Variants in WWOX observed in about 807,000 individuals in gnomAD.
WWOX encodes the protein WW domain-containing oxidoreductase.
WWOX carries 69 observed loss-of-function variants against 46.2 expected under a neutral mutation model. That is an observed-to-expected ratio of 1.49 (90% CI 1.23 to 1.82). The LOEUF is 1.82. Ranked by LOEUF, WWOX falls within the 40% of genes most tolerant of loss-of-function variation. WWOX has a pLI of 0.00. For synonymous variants in WWOX, 359 were observed against 202.6 expected (o/e 1.77, Z -6.56); for missense variants, 919 against 542.6 (o/e 1.69, Z -6.89).
intron 8 of WWOX, among the ~76,000 whole-genome samples, chr16:78,651,756 T>C (rs1359370005): frequency 6.6e-6 from 1 of 152,182 alleles, no homozygotes; most frequent in African/African-American, 2.4e-5. Context: ...AGAACCTCTT[T>C]CGTATCAACT....
At chr16:78,841,191 C>T (rs747994682) in intron 8 of WWOX, among the ~76,000 whole-genome samples, 1 of 152,134 alleles carries the variant, frequency 6.6e-6, no homozygotes, top group African/African-American at 2.4e-5. Context: ...ATGCAGGGGC[C>T]TTCTAAATCA....
intron 8 of WWOX, among the ~76,000 whole-genome samples, chr16:78,672,868 A>G (rs909839390): frequency 3.9e-5 from 6 of 152,198 alleles, no homozygotes; most frequent in African/African-American, 1.4e-4. Context: ...CGCCTTGGTG[A>G]TGGATAGAAA....
At chr16:78,710,394 T>A (rs2048413152) in intron 8 of WWOX, among the ~76,000 whole-genome samples, 1 of 147,404 alleles carries the variant, frequency 6.8e-6, no homozygotes, top group Non-Finnish European at 1.5e-5. Context: ...GCCTTCCGCA[T>A]CTGCTATGCA....
chr16:78,829,032 T>G (rs2051738657), intron 8 of WWOX, among the ~76,000 whole-genome samples: 1 of 151,984 alleles, frequency 6.6e-6, no homozygotes, highest in Non-Finnish European at 1.5e-5. Context: ...TTCCACCCCA[T>G]CATAAATTCT....
intron 8 of WWOX, among the ~76,000 whole-genome samples, chr16:78,565,776 C>T (rs187636427): frequency 4.1e-4 from 63 of 152,234 alleles, no homozygotes; most frequent in African/African-American, 1.3e-3. Context: ...AGGCTATCCG[C>T]GGAAGTAGAG....
At chr16:78,963,652 A>G (rs71398117) in intron 8 of WWOX, among the ~76,000 whole-genome samples, 3,115 of 152,330 alleles carry the variant, frequency 0.02, 43 homozygotes, top group Middle Eastern at 0.034. Flanking sequence ...TGATAAGGCT[A>G]TTAAGAGCCA....
chr16:78,319,802 C>T (rs376009865), intron 5 of WWOX, among the ~76,000 whole-genome samples: 9 of 152,254 alleles, frequency 5.9e-5, no homozygotes, highest in South Asian at 2.1e-4. Flanking sequence ...TGCCACCCTC[C>T]GCCCTTAGCC....
At chr16:78,820,072 G>C (rs1477595582) in intron 8 of WWOX, among the ~76,000 whole-genome samples, 1 of 152,166 alleles carries the variant, frequency 6.6e-6, no homozygotes, top group African/African-American at 2.4e-5. Flanking sequence ...TACTGTCATC[G>C]TTATCATTCC....
chr16:78,578,690 G>T (rs35701963), intron 8 of WWOX, among the ~76,000 whole-genome samples: 30,228 of 151,982 alleles, frequency 0.2, 3,357 homozygotes, highest in East Asian at 0.29. Flanking sequence ...TAAATTTATT[G>T]CCAGCTATGG....
chr16:78,629,248 T>TC (rs1051979054), intron 8 of WWOX, among the ~76,000 whole-genome samples: 18 of 151,554 alleles, frequency 1.2e-4, no homozygotes, highest in Non-Finnish European at 1.6e-4. Context: ...TATTTTTTTT[T>TC]CCTCTGCAAG....
chr16:79,113,752 G>A (rs890381018), intron 8 of WWOX, among the ~76,000 whole-genome samples: 10 of 152,342 alleles, frequency 6.6e-5, no homozygotes, highest in South Asian at 2.1e-4. Context: ...CTTTTCACCC[G>A]AGGAGGGGAA....
chr16:78,528,003 T>TTC (rs1280502295), intron 8 of WWOX, among the ~76,000 whole-genome samples: 17 of 101,942 alleles, frequency 1.7e-4, no homozygotes, highest in African/African-American at 6.5e-4. Flanking sequence ...TTTTTTTTTT[T>TTC]TTTTTTTTTT....
At chr16:78,521,431 T>A (rs2151498894) in intron 8 of WWOX, among the ~76,000 whole-genome samples, 1 of 152,130 alleles carries the variant, frequency 6.6e-6, no homozygotes, top group Non-Finnish European at 1.5e-5. Context: ...GAAACAGAGA[T>A]GAGGAAGGCA....
intron 8 of WWOX, among the ~76,000 whole-genome samples, chr16:78,495,396 C>T (rs1343193682): frequency 1.3e-5 from 2 of 151,498 alleles, no homozygotes; most frequent in Non-Finnish European, 1.5e-5. Flanking sequence ...CCGCCTTGGC[C>T]TCCCAAAGTG....
intron 8 of WWOX, among the ~76,000 whole-genome samples, chr16:79,058,863 T>A (rs2048311759): frequency 6.6e-6 from 1 of 152,198 alleles, no homozygotes; most frequent in Non-Finnish European, 1.5e-5. Flanking sequence ...CTCTGGAAAA[T>A]GTGTTTACAG....
At chr16:78,829,908 C>T (rs1435349679) in intron 8 of WWOX, among the ~76,000 whole-genome samples, 1 of 152,058 alleles carries the variant, frequency 6.6e-6, no homozygotes, top group Non-Finnish European at 1.5e-5. Context: ...TTCTAAATAC[C>T]ATCTGACATA....
chr16:78,180,696 G>T (rs1304136801), intron 5 of WWOX, among the ~76,000 whole-genome samples: 1 of 151,458 alleles, frequency 6.6e-6, no homozygotes, highest in Non-Finnish European at 1.5e-5. Context: ...AGGGCCAGTG[G>T]GTAAATCCAG....
At chr16:78,670,873 G>C (rs1036495906) in intron 8 of WWOX, among the ~76,000 whole-genome samples, 3 of 151,978 alleles carry the variant, frequency 2.0e-5, no homozygotes, top group Non-Finnish European at 4.4e-5. Context: ...TGATCGTACT[G>C]GTTTAGGGTG....
At chr16:78,596,033 G>A (rs2045481487) in intron 8 of WWOX, among the ~76,000 whole-genome samples, 1 of 152,170 alleles carries the variant, frequency 6.6e-6, no homozygotes. Context: ...AGGAAGATGA[G>A]AAGTTTTTTA....
Sources: gnomAD v4.1 joint callset for allele counts (sites outside exome capture counted in the v4.1 genomes callset) on GRCh38, gnomAD v4.1.1 for gene constraint, MANE v1.5 for transcripts, NCBI Gene and HGNC (gene_info 2026-07-23, HGNC 2026-07-21) for gene names.